TRAF6: variants seen among roughly 807,000 people sequenced by gnomAD.
TRAF6 encodes the protein TNF receptor associated factor 6, also known as TNF receptor-associated factor 6.
Under a neutral mutation model 48.4 loss-of-function variants are expected in TRAF6, and 10 were observed. That is an observed-to-expected ratio of 0.21 (90% CI 0.13 to 0.35). The LOEUF (loss-of-function observed/expected upper bound fraction) is 0.35, where lower values mean the gene tolerates loss of function less well. Among genes scored for constraint, TRAF6 ranks in the 10% least tolerant of loss-of-function variants. The pLI, the probability that TRAF6 is intolerant of heterozygous loss-of-function variation, is 1.00. For missense variants in TRAF6, 397 were observed against 661.0 expected, an observed-to-expected ratio of 0.60 and a Z score of 4.38; for synonymous variants, 186 against 219.6, an observed-to-expected ratio of 0.85 and a Z score of 1.35.
In TRAF6 at chr11:36,486,259, G is replaced by T. The variant is rs981492000; in HGVS notation, c.*3579C>A. Among the ~76,000 whole-genome samples, 2 of 152,072 alleles carry T rather than the reference G, an allele frequency of 1.3e-5. No homozygotes were observed. The highest frequency in any genetic ancestry group is 6.5e-5 in the Admixed American group (1 of 15,274). On this transcript the variant is annotated 3_prime_UTR_variant, in exon 7 of 7. Transcript: ENST00000526995. Reference sequence around the variant, plus strand: ...TCACCATTTTGGCCAGGCTGGTCTCGAACTCCTGGCTTCAAGTAATCCGCC... The same window carrying T: ...TCACCATTTTGGCCAGGCTGGTCTCTAACTCCTGGCTTCAAGTAATCCGCC...
At chr11:36,500,594 G>A (rs148107817) in intron 2 of TRAF6, among the ~76,000 whole-genome samples, 14 of 152,260 alleles carry the variant, frequency 9.2e-5, no homozygotes, top group Admixed American at 2.0e-4. Flanking sequence ...GTCCACTCCC[G>A]CTGCTGTATT....
At position 36,490,555 on chromosome 11, in the gene TRAF6, G is replaced by A. The variant is rs755357439; in HGVS notation, c.852C>T (p.Pro284=). The A allele has an allele frequency of 2.4e-5, 39 of 1,613,956 alleles. No individual in the cohort carries two copies. The highest frequency in any genetic ancestry group is 5.0e-5 in the Admixed American group (3 of 59,988). ...AQAVHSLSVI[P]DSGYISEVRN... ...GGACCTCTGAGATATACCCAGAGTC[G>A]GGTATAACGCTCAAACTATGAACAG... The change falls in exon 7 of 7, where the codon CCC becomes CCT. Residue 284 remains proline (P), a synonymous_variant. Coordinates refer to ENST00000526995, the MANE Select transcript of TRAF6 (RefSeq NM_004620.4). This position sits in a 1 kb window ranked among gnomAD's most constrained non-coding sequence, Gnocchi z 6.4.
chr11:36,496,511 C>G (rs1467589938), intron 4 of TRAF6: 1 of 151,848 alleles, frequency 6.6e-6, no homozygotes, highest in East Asian at 1.9e-4. Context: ...ACCCAGGAGG[C>G]TGAGGTTGTG....
chr11:36,503,397 G>A (rs780895540), intron 1 of TRAF6, among the ~76,000 whole-genome samples: 7 of 150,330 alleles, frequency 4.7e-5, no homozygotes, highest in African/African-American at 1.5e-4. Context: ...GGGTTCTCCC[G>A]CCTCAGCCTC....
rs1859548667 is a variant in TRAF6, at chr11:36,490,517, T to G, written c.890A>C (p.Glu297Ala). ...GYISEVRNFQETIHQLEGRLV... is the reference protein window; with the variant it reads ...GYISEVRNFQATIHQLEGRLV... ...GCGACCCTCTAACTGGTGAATAGTT[T>G]CCTGGAAATTCCGGACCTCTGAGAT... Residue 297 changes from glutamate (E) to alanine (A), a missense_variant, in exon 7 of 7, where the codon GAA (glutamate) becomes GCA (alanine). By Grantham distance (107) the Glu-to-Ala change is moderately radical. This residue lies in a region of TRAF6 where 245 missense variants were observed against 349.1 expected (regional missense o/e 0.70). Coordinates refer to ENST00000526995, the MANE Select transcript of TRAF6 (RefSeq NM_004620.4). The surrounding 1 kb of genome is among the most constrained non-coding windows in gnomAD (Gnocchi z 6.4). 1.2e-6 allele frequency: 2 copies of G among 1,613,876 alleles called. No homozygotes were observed. Among genetic ancestry groups the G allele is most frequent in the South Asian group, 2.2e-5 (2 of 91,086 alleles).
intron 1 of TRAF6, among the ~76,000 whole-genome samples, chr11:36,504,233 T>C (rs1009305295): frequency 6.6e-6 from 1 of 152,236 alleles, no homozygotes; most frequent in Non-Finnish European, 1.5e-5. Flanking sequence ...CTCTGTAGCA[T>C]GTGATGCTGT....
chr11:36,501,120 T>C (rs1859709484), intron 2 of TRAF6, 100 bp downstream of exon 2: 7 of 1,164,556 alleles, frequency 6.0e-6, no homozygotes, highest in Non-Finnish European at 6.9e-6. Flanking sequence ...AGTAGCTTTT[T>C]ATGTGTAAGA....
chr11:36,507,839 T>TATATATATAC (rs1417774321), intron 1 of TRAF6, among the ~76,000 whole-genome samples: 3 of 147,570 alleles, frequency 2.0e-5, no homozygotes, highest in Non-Finnish European at 4.5e-5. Context: ...TATATATGTG[T>TATATATATAC]ATATATATAC....
Position 36,490,376 on chromosome 11 carries a change from A to T in TRAF6, c.1031T>A (p.Ile344Asn), listed in dbSNP as rs1440580411. The T allele has an allele frequency of 6.2e-7, 1 of 1,614,000 alleles. No individual in the cohort carries two copies. Among genetic ancestry groups the T allele is most frequent in the Non-Finnish European group, 8.5e-7 (1 of 1,180,046 alleles). The stretch of plus-strand genomic sequence containing the variant: ...AATTCCATTGCACTGCTGTGCTTCG[A>T]TTTCAGCAACTTTGTCCTCAAGGGT... Reference protein sequence around the residue: ...IRTLEDKVAEIEAQQCNGIYI... With the variant: ...IRTLEDKVAENEAQQCNGIYI... The change falls in exon 7 of 7, where the codon ATC (isoleucine) becomes AAC (asparagine). Residue 344 changes from isoleucine to asparagine, a missense_variant. By Grantham distance (149) the Ile-to-Asn change is moderately radical. Transcript: ENST00000526995. This position sits in a 1 kb window ranked among gnomAD's most constrained non-coding sequence, Gnocchi z 6.4.
chr11:36,497,176 T>G lies in TRAF6; in HGVS notation c.538A>C (p.Lys180Gln). 6.2e-7 allele frequency: 1 copy of G among 1,614,046 alleles called. No homozygotes were observed. The highest frequency in any genetic ancestry group is 8.5e-7 in the Non-Finnish European group (1 of 1,179,988). ...GAAACCTGTCTCCTTGGACAATCCT[T>G]CAGAATGTGAATATTAATATGGAAT... ...QKFHINIHIL[K>Q]DCPRRQVSCD... Residue 180 changes from lysine (K) to glutamine (Q), a missense_variant, in exon 4 of 7, where the codon AAG becomes CAG. Lys to Gln is a moderately conservative substitution (Grantham distance 53). This residue lies in a region of TRAF6 where 245 missense variants were observed against 349.1 expected (regional missense o/e 0.70). Coordinates refer to ENST00000526995, the MANE Select transcript of TRAF6 (RefSeq NM_004620.4).
At chr11:36,502,202 C>A (rs1467966285) in intron 1 of TRAF6, among the ~76,000 whole-genome samples, 1 of 152,140 alleles carries the variant, frequency 6.6e-6, no homozygotes, top group East Asian at 1.9e-4. Context: ...CTTCCAAATG[C>A]TCAGTGTGGA....
Position 36,493,762 on chromosome 11 carries a change from GAC to G in TRAF6, c.679-1136_679-1135del, listed in dbSNP as rs1380531385. ...GCATGGTTTCCTTTAAATGTTAAAA[GAC>G]AGCAAAAAGGAAAACGAGTTAGGAC... On this transcript the variant is annotated intron_variant, in intron 5 of 6. Transcript: ENST00000526995. 2.0e-5 allele frequency among the ~76,000 whole-genome samples: 3 copies of G among 152,060 alleles called. No homozygotes were observed. The East Asian group carries it at 5.8e-4, about 29-fold the overall frequency.
At chr11:36,505,680 ATTTTGACT>A (rs1180169286) in intron 1 of TRAF6, among the ~76,000 whole-genome samples, 1 of 152,202 alleles carries the variant, frequency 6.6e-6, no homozygotes, top group Admixed American at 6.5e-5. Flanking sequence ...TAAATGGCCC[ATTTTGACT>A]TCTGATGTGC....
In TRAF6 at chr11:36,488,964, G is replaced by A. The variant is rs1859525019; in HGVS notation, c.*874C>T. On this transcript the variant is annotated 3_prime_UTR_variant, in exon 7 of 7. Transcript: ENST00000526995. ...TTGGGTCACTTTTAATTTTTATGTT[G>A]CTGATTGTATGTGTGCATCTCCTGT... 6.6e-6 allele frequency: 1 copy of A among 152,168 alleles called. No individual in the cohort carries two copies. The allele number at this position is 152,168 out of a possible 1,614,324, so 9.4% of individuals were successfully genotyped here. A position where few individuals can be genotyped will look rare whatever the true frequency, so the allele number is the denominator to read the frequency against.
Position 36,483,865 on chromosome 11 carries a change from G to T in TRAF6, c.*5973C>A, listed in dbSNP as rs1859444120. 6.6e-6 allele frequency among the ~76,000 whole-genome samples: 1 copy of T among 152,086 alleles called. No homozygotes were observed. The highest frequency in any genetic ancestry group is 1.5e-5 in the Non-Finnish European group (1 of 68,004). ...AAGGAAGTAGTAACAGTGCGGAGGG[G>T]GTAAGTATGTCAGTCTGGCATGTTT... On this transcript the variant is annotated 3_prime_UTR_variant, in exon 7 of 7. Coordinates refer to ENST00000526995, the MANE Select transcript of TRAF6 (RefSeq NM_004620.4).
rs780939272 is a variant in TRAF6, at chr11:36,497,134, C to A, written c.580G>T (p.Ala194Ser). 8.1e-6 allele frequency: 13 copies of A among 1,613,454 alleles called. No homozygotes were observed. Among genetic ancestry groups the A allele is most frequent in the Non-Finnish European group, 1.1e-5 (13 of 1,179,832 alleles). ...TCTTTATCTTCAAATGCCATTGATGCAGCACAGTTGTCACAAGAAACCTGT... is the reference window on the plus strand; with the variant it reads ...TCTTTATCTTCAAATGCCATTGATGAAGCACAGTTGTCACAAGAAACCTGT... Reference protein sequence around the residue: ...RRQVSCDNCAASMAFEDKEIH... With the variant: ...RRQVSCDNCASSMAFEDKEIH... Residue 194 changes from alanine (A) to serine (S), a missense_variant, in exon 4 of 7, where the codon GCA (alanine) becomes TCA (serine). Transcript: ENST00000526995.
At chr11:36,493,918 T>C (rs1859595159) in intron 5 of TRAF6, among the ~76,000 whole-genome samples, 1 of 152,226 alleles carries the variant, frequency 6.6e-6, no homozygotes. Flanking sequence ...TGCTTGCTGC[T>C]TCTCAGTAAG....
chr11:36,504,254 T>C (rs1003228906), intron 1 of TRAF6, among the ~76,000 whole-genome samples: 41 of 152,210 alleles, frequency 2.7e-4, no homozygotes, highest in African/African-American at 9.9e-4. Flanking sequence ...TTGATAGCAT[T>C]TTACCCCACG....
intron 2 of TRAF6, among the ~76,000 whole-genome samples, chr11:36,500,435 TAGA>T (rs1477187831): frequency 6.6e-6 from 1 of 151,978 alleles, no homozygotes; most frequent in East Asian, 1.9e-4. Flanking sequence ...AATGAATGGG[TAGA>T]AGGACAAAGA....
Sources: gnomAD v4.1 joint callset for allele counts (sites outside exome capture counted in the v4.1 genomes callset) on GRCh38, gnomAD v4.1.1 for gene constraint, gnomAD v4.1.1 regional missense constraint, Gnocchi (gnomAD v3.1) non-coding constraint, MANE v1.5 for transcripts, NCBI Gene and HGNC (gene_info 2026-07-23, HGNC 2026-07-21) for gene names.